UGT2B4: variants seen among roughly 807,000 people sequenced by gnomAD.
UGT2B4 encodes the protein UDP-glucuronosyltransferase 2B4.
In UGT2B4, 49 loss-of-function variants were observed where a neutral mutation model predicts 49.8. That is an observed-to-expected ratio of 0.98 (90% CI 0.78 to 1.25). UGT2B4 has a LOEUF of 1.25. Among genes scored for constraint, UGT2B4 ranks in the 50% most tolerant of loss-of-function variants. UGT2B4 has a pLI of 0.00. For missense variants in UGT2B4, 729 were observed against 627.7 expected, an observed-to-expected ratio of 1.16 and a Z score of -1.73; for synonymous variants, 246 against 217.7, an observed-to-expected ratio of 1.13 and a Z score of -1.14.
intron 1 of UGT2B4, among the ~76,000 whole-genome samples, chr4:69,511,367 T>C (rs1004525668): frequency 6.6e-6 from 1 of 152,156 alleles, no homozygotes; most frequent in Non-Finnish European, 1.5e-5. Context: ...TCATAAACTA[T>C]TGTTCAGTTG....
Position 69,493,855 on chromosome 4 carries a change from A to G in UGT2B4, c.722-14T>C, listed in dbSNP as rs746386182. 2.5e-6 allele frequency: 4 copies of G among 1,581,584 alleles called. No homozygotes were observed. In the African/African-American group the frequency reaches 5.5e-5, roughly 22 times the overall value. Reference sequence around the variant, plus strand: ...TAGTGGGTCTTCCTGATGGGGGAAAAAAAAAGAAAAGATAGATGACACAAG... The same window carrying G: ...TAGTGGGTCTTCCTGATGGGGGAAAGAAAAAGAAAAGATAGATGACACAAG... On this transcript the variant is annotated splice_polypyrimidine_tract_variant and intron_variant, in intron 1 of 5. Transcript: ENST00000305107.
intron 5 of UGT2B4, 119 bp from the exon 6 acceptor site, chr4:69,481,029 G>C: frequency 1.0e-6 from 1 of 1,001,998 alleles, no homozygotes; most frequent in African/African-American, 1.8e-5. Context: ...ACGAGGTCAG[G>C]AGATCAAGAC....
intron 1 of UGT2B4, among the ~76,000 whole-genome samples, chr4:69,502,089 C>CGT (rs1560438972): frequency 3.6e-5 from 3 of 84,148 alleles, no homozygotes; most frequent in East Asian, 5.5e-4. Flanking sequence ...CTTTCTTTCT[C>CGT]TCTCTTTCTT....
chr4:69,497,863 A>G (rs1728206089), upstream of UGT2B4, among the ~76,000 whole-genome samples: 1 of 152,234 alleles, frequency 6.6e-6, no homozygotes, highest in Admixed American at 6.5e-5. Flanking sequence ...GCTAAACAGA[A>G]ATCTTTTGTG....
At chr4:69,490,321 TG>T (rs1157994820) in intron 2 of UGT2B4, among the ~76,000 whole-genome samples, 1 of 152,182 alleles carries the variant, frequency 6.6e-6, no homozygotes, top group Non-Finnish European at 1.5e-5. Flanking sequence ...ATTGTTTAAG[TG>T]GAACAATTTT....
At chr4:69,519,645 C>T (rs1240451520) in intron 1 of UGT2B4, among the ~76,000 whole-genome samples, 1 of 152,186 alleles carries the variant, frequency 6.6e-6, no homozygotes, top group Non-Finnish European at 1.5e-5. Flanking sequence ...TAAATACCTC[C>T]TTCACAATTT....
At chr4:69,485,086 T>A in intron 5 of UGT2B4, 122 bp downstream of exon 5, 1 of 1,216,148 alleles carries the variant, frequency 8.2e-7, no homozygotes, top group Non-Finnish European at 1.2e-6. Context: ...AGATTTCAGA[T>A]TGTTTAAATC....
chr4:69,488,607 C>A (rs541856735), intron 3 of UGT2B4, among the ~76,000 whole-genome samples: 4 of 151,998 alleles, frequency 2.6e-5, no homozygotes, highest in African/African-American at 4.8e-5. Flanking sequence ...GCATCTGAAC[C>A]TGTTCCCCTG....
intron 5 of UGT2B4, among the ~76,000 whole-genome samples, chr4:69,481,554 G>T (rs989007404): frequency 6.6e-6 from 1 of 152,068 alleles, no homozygotes; most frequent in South Asian, 2.1e-4. Context: ...CATAGTAGGG[G>T]TATTTTTCTA....
At chr4:69,525,304 T>C (rs1022184039) in intron 1 of UGT2B4, among the ~76,000 whole-genome samples, 3 of 152,066 alleles carry the variant, frequency 2.0e-5, no homozygotes, top group African/African-American at 7.2e-5. Flanking sequence ...GTCTTGATAA[T>C]AGTAAATGTG....
At chr4:69,514,393 C>T (rs1053620146) in intron 1 of UGT2B4, among the ~76,000 whole-genome samples, 11 of 152,018 alleles carry the variant, frequency 7.2e-5, no homozygotes, top group South Asian at 6.2e-4. Context: ...TTATAGATAC[C>T]GGATTATGTC....
At chr4:69,522,804 G>T (rs1056702334) in intron 1 of UGT2B4, among the ~76,000 whole-genome samples, 3 of 152,164 alleles carry the variant, frequency 2.0e-5, no homozygotes, top group Non-Finnish European at 4.4e-5. Flanking sequence ...TTTACCCATA[G>T]TAGAACTTCT....
chr4:69,480,922 G>A lies in UGT2B4; in HGVS notation c.1311-12C>T, dbSNP rs534855966. ...CATTCTCTTTATATCTAAACGATAA[G>A]CAGAAAAGTATCAACATTGAAAGTA... On this transcript the variant is annotated splice_polypyrimidine_tract_variant and intron_variant, in intron 5 of 5. Coordinates refer to ENST00000305107, the MANE Select transcript of UGT2B4 (RefSeq NM_021139.3). 1.6e-4 allele frequency: 257 copies of A among 1,611,084 alleles called. 4 individuals are homozygous for A. In the South Asian group the frequency reaches 2.7e-3, roughly 17 times the overall value.
chr4:69,511,270 T>G (rs1728596672), intron 1 of UGT2B4, among the ~76,000 whole-genome samples: 1 of 152,068 alleles, frequency 6.6e-6, no homozygotes, highest in African/African-American at 2.4e-5. Flanking sequence ...GATTACAGGC[T>G]TGAGCCACCG....
intron 1 of UGT2B4, among the ~76,000 whole-genome samples, chr4:69,509,491 C>A (rs936597241): frequency 5.9e-5 from 9 of 152,080 alleles, no homozygotes; most frequent in Non-Finnish European, 1.2e-4. Flanking sequence ...TCCAAGCCAA[C>A]AATTGTGTGT....
chr4:69,492,969 T>G (rs1036849760), intron 2 of UGT2B4, among the ~76,000 whole-genome samples: 2 of 152,148 alleles, frequency 1.3e-5, no homozygotes, highest in African/African-American at 2.4e-5. Context: ...ATATTTTCTT[T>G]TCTTAACTCT....
chr4:69,508,731 A>T (rs1388538130), intron 1 of UGT2B4, among the ~76,000 whole-genome samples: 1 of 152,158 alleles, frequency 6.6e-6, no homozygotes, highest in Admixed American at 6.6e-5. Flanking sequence ...GAGGGAGAGG[A>T]TCAGAAAAAA....
chr4:69,507,885 G>T (rs905830198), intron 1 of UGT2B4, among the ~76,000 whole-genome samples: 9 of 152,254 alleles, frequency 5.9e-5, no homozygotes, highest in African/African-American at 2.2e-4. Context: ...AAGAACTTTT[G>T]CACAGCAAAA....
At chr4:69,500,582 C>CAAGG, upstream of UGT2B4, among the ~76,000 whole-genome samples, 6 of 112,284 alleles carry the variant, frequency 5.3e-5, no homozygotes, top group African/African-American at 2.1e-4. Context: ...AGCAAGAAAG[C>CAAGG]AAGAAAGCAA....
Sources: allele counts gnomAD v4.1 joint callset (sites outside exome capture counted in the v4.1 genomes callset), GRCh38; gene constraint gnomAD v4.1.1; transcripts MANE v1.5; gene names NCBI Gene and HGNC (gene_info 2026-07-23, HGNC 2026-07-21).